Variants in PATJ observed in about 807,000 individuals in gnomAD.
The protein encoded by PATJ is PATJ crumbs cell polarity complex component.
In PATJ, 190 loss-of-function variants were observed where a neutral mutation model predicts 224.9. The observed-to-expected ratio is 0.84, with a 90% CI of 0.75 to 0.95. The LOEUF (loss-of-function observed/expected upper bound fraction) is 0.95, where lower values mean the gene tolerates loss of function less well. PATJ is among the 40% of genes least tolerant of loss of function. PATJ has a pLI of 0.00. For synonymous variants in PATJ, 769 were observed against 820.3 expected, an observed-to-expected ratio of 0.94 and a Z score of 1.07; for missense variants, 2,121 against 2,270.3, an observed-to-expected ratio of 0.93 and a Z score of 1.34.
At position 61,944,993 on chromosome 1, in the gene PATJ, G is replaced by A. The variant is rs966843364; in HGVS notation, c.3670+17164G>A. On this transcript the variant is annotated intron_variant, in intron 27 of 43. Coordinates refer to ENST00000642238, the MANE Select transcript of PATJ (RefSeq NM_001350145.3). The stretch of plus-strand genomic sequence containing the variant: ...GCCAAACTAAGCTTCATAAGTGAAG[G>A]AGAAATAAAATCCTTTACAGACAAA... 1.2e-3 allele frequency among the ~76,000 whole-genome samples: 181 copies of A among 152,126 alleles called. 2 individuals carry two copies. The highest frequency in any genetic ancestry group is 6.5e-4 in the Admixed American group (10 of 15,270).
chr1:61,898,241 A>T (rs1046186995), intron 22 of PATJ, among the ~76,000 whole-genome samples: 2 of 152,070 alleles, frequency 1.3e-5, no homozygotes, highest in Non-Finnish European at 2.9e-5. Context: ...TTTATAGGTT[A>T]GAGGGATTTT....
At chr1:61,810,209 A>T (rs547692586) in intron 14 of PATJ, among the ~76,000 whole-genome samples, 5 of 152,208 alleles carry the variant, frequency 3.3e-5, no homozygotes, top group Admixed American at 1.3e-4. Context: ...GTTTACCTGC[A>T]TCTTGAGTCA....
intron 30 of PATJ, chr1:62,038,898 T>C: frequency 2.3e-6 from 2 of 879,670 alleles, no homozygotes; most frequent in Non-Finnish European, 3.9e-6. Context: ...CCTCCATTGT[T>C]GGAGTCCTGT....
At chr1:62,079,381 C>T in intron 31 of PATJ, 69 bp from the exon 32 acceptor site, 1 of 890,366 alleles carries the variant, frequency 1.1e-6, no homozygotes, top group Non-Finnish European at 1.9e-6. Flanking sequence ...AACAATACAC[C>T]AGTTTTAAAG....
At chr1:62,096,631 G>A (rs1661428532) in intron 33 of PATJ, among the ~76,000 whole-genome samples, 1 of 152,104 alleles carries the variant, frequency 6.6e-6, no homozygotes, top group African/African-American at 2.4e-5. Context: ...CATCCTTAGA[G>A]TCATGAATTT....
In PATJ at chr1:61,861,672, T is replaced by A. The variant is rs4915786; in HGVS notation, c.2439+5T>A. The A allele has an allele frequency of 2.1e-3, 2,493 of 1,207,520 alleles. 32 individuals are homozygous for A. In the African/African-American group the frequency reaches 0.034, roughly 17 times the overall value. 74.8% of individuals were successfully genotyped at this position (1,207,520 alleles called of 1,614,324 possible). A position where few individuals can be genotyped will look rare whatever the true frequency, so the allele number is the denominator to read the frequency against. ...TTAATACTCGAAGCACCCAAGGTAT[T>A]TAATAAATTTATTTCCCATTTGAAT... On this transcript the variant is annotated splice_donor_5th_base_variant and intron_variant, in intron 19 of 43. Coordinates refer to ENST00000642238, the MANE Select transcript of PATJ (RefSeq NM_001350145.3).
chr1:61,974,820 G>C (rs1644039849), intron 27 of PATJ, among the ~76,000 whole-genome samples: 1 of 152,060 alleles, frequency 6.6e-6, no homozygotes, highest in African/African-American at 2.4e-5. Context: ...GGATGATATT[G>C]TTTTGCCATT....
At chr1:62,131,268 T>A (rs889789733) in intron 41 of PATJ, among the ~76,000 whole-genome samples, 1 of 152,166 alleles carries the variant, frequency 6.6e-6, no homozygotes, top group Non-Finnish European at 1.5e-5. Context: ...TGGGTGGCTG[T>A]GCTTGCTCAT....
chr1:62,146,260 G>A (rs1373258062), intron 41 of PATJ, among the ~76,000 whole-genome samples: 1 of 152,132 alleles, frequency 6.6e-6, no homozygotes, highest in African/African-American at 2.4e-5. Context: ...AGAATGTTAG[G>A]GGAGAGGCAG....
chr1:62,060,803 G>A (rs145357376), intron 31 of PATJ, among the ~76,000 whole-genome samples: 1,693 of 152,148 alleles, frequency 0.011, 13 homozygotes, highest in Middle Eastern at 0.044. Context: ...CAGCCTCCCA[G>A]AGTGTTGGGA....
In PATJ at chr1:62,084,512, C is replaced by T. The variant is rs759487207; in HGVS notation, c.4244-3C>T. 6.2e-7 allele frequency: 1 copy of T among 1,607,842 alleles called. No individual in the cohort carries two copies. Among genetic ancestry groups the T allele is most frequent in the Non-Finnish European group, 8.5e-7 (1 of 1,178,080 alleles). On this transcript the variant is annotated splice_polypyrimidine_tract_variant and splice_region_variant and intron_variant, in intron 32 of 43. Coordinates refer to ENST00000642238, the MANE Select transcript of PATJ (RefSeq NM_001350145.3). ...AGTCATGCTGTGTTCAATTCTTTTC[C>T]AGGTGGTTTCCAGGCTCCTCTGTCA... is the stretch of plus-strand genomic sequence containing the variant.
intron 29 of PATJ, among the ~76,000 whole-genome samples, chr1:62,024,229 G>A (rs1037376130): frequency 6.6e-6 from 1 of 152,114 alleles, no homozygotes. Context: ...AGTTAGAGAG[G>A]TGCCCCTCCT....
At chr1:61,933,521 C>A (rs1292258516) in intron 27 of PATJ, among the ~76,000 whole-genome samples, 1 of 138,746 alleles carries the variant, frequency 7.2e-6, no homozygotes, top group Non-Finnish European at 1.5e-5. Flanking sequence ...ACCCTGGCGA[C>A]AGAGTGAGAC....
intron 31 of PATJ, among the ~76,000 whole-genome samples, chr1:62,061,579 G>A (rs770718180): frequency 5.3e-5 from 8 of 152,154 alleles, no homozygotes; most frequent in Non-Finnish European, 1.0e-4. Flanking sequence ...GTGTTAATTT[G>A]CAGCTGCATC....
intron 27 of PATJ, among the ~76,000 whole-genome samples, chr1:61,955,475 A>C (rs1680315947): frequency 6.6e-6 from 1 of 152,142 alleles, no homozygotes; most frequent in Non-Finnish European, 1.5e-5. Context: ...GAAGTGCTAC[A>C]AGCCTGGCTT....
chr1:61,862,449 G>A (rs1305037014), intron 19 of PATJ, among the ~76,000 whole-genome samples: 5 of 151,962 alleles, frequency 3.3e-5, no homozygotes, highest in African/African-American at 7.3e-5. Flanking sequence ...TGCCCACCTC[G>A]GCCTCCCGAA....
rs1203425663 is a variant in PATJ at position 61,827,524 on chromosome 1, G to A, written c.1921G>A (p.Asp641Asn). ...FTLVCCRRLF[D>N]DEASVDEPRR... The stretch of plus-strand genomic sequence containing the variant: ...TTTGGTTTGCTGTCGGAGGTTGTTT[G>A]ATGATGAAGCTTCTGTAGATGAACC... Residue 641 changes from aspartate (D) to asparagine (N), a missense_variant, in exon 16 of 44, where the codon GAT becomes AAT. Coordinates refer to ENST00000642238, the MANE Select transcript of PATJ (RefSeq NM_001350145.3). 6.2e-7 allele frequency: 1 copy of A among 1,613,890 alleles called. No homozygotes were observed. Among genetic ancestry groups the A allele is most frequent in the Non-Finnish European group, 8.5e-7 (1 of 1,180,004 alleles).
Position 62,072,964 on chromosome 1 carries a change from G to A in PATJ, c.4126-6486G>A, listed in dbSNP as rs1007139802. The A allele has an allele frequency of 3.5e-6, 3 of 853,690 alleles. No homozygotes were observed. In the African/African-American group the frequency reaches 5.5e-5, roughly 16 times the overall value. 52.9% of individuals were successfully genotyped at this position (853,690 alleles called of 1,614,324 possible). A position where few individuals can be genotyped will look rare whatever the true frequency, so the allele number is the denominator to read the frequency against. ...ATTAAATGTACTAACTGCTGAAATT[G>A]GAAAGTGCGGTTGAGCCCTCCAATG... On this transcript the variant is annotated intron_variant, in intron 31 of 43. Transcript: ENST00000642238.
chr1:62,110,643 A>T (rs1363322603), intron 34 of PATJ, among the ~76,000 whole-genome samples: 1 of 151,930 alleles, frequency 6.6e-6, no homozygotes, highest in African/African-American at 2.4e-5. Flanking sequence ...TCCTTCTCAT[A>T]CCCTCCCCGC....
Sources: allele counts gnomAD v4.1 joint callset (sites outside exome capture counted in the v4.1 genomes callset), GRCh38; gene constraint gnomAD v4.1.1; transcripts MANE v1.5; gene names NCBI Gene and HGNC (gene_info 2026-07-23, HGNC 2026-07-21).